Variants in RALGPS1 observed in about 807,000 individuals in gnomAD.
The protein encoded by RALGPS1 is Ral GEF with PH domain and SH3 binding motif 1, also known as ras-specific guanine nucleotide-releasing factor RalGPS1.
RALGPS1 carries 19 observed loss-of-function variants against 78.8 expected under a neutral mutation model. The observed-to-expected ratio is 0.24, with a 90% CI of 0.17 to 0.35. RALGPS1 has a LOEUF of 0.35. Ranked by LOEUF, RALGPS1 falls within the 10% of genes least tolerant of loss-of-function variation. The pLI, the probability that RALGPS1 is intolerant of heterozygous loss-of-function variation, is 1.00. For synonymous variants in RALGPS1, 228 were observed against 256.3 expected, an observed-to-expected ratio of 0.89 and a Z score of 1.06; for missense variants, 454 against 688.3, an observed-to-expected ratio of 0.66 and a Z score of 3.81.
intron 1 of RALGPS1, among the ~76,000 whole-genome samples, chr9:126,959,903 A>G (rs1332868987): frequency 6.6e-6 from 1 of 152,202 alleles, no homozygotes; most frequent in Non-Finnish European, 1.5e-5. Context: ...ATCCATAGTC[A>G]GCTTTCCCCA....
intron 10 of RALGPS1, 23 bp from the exon 11 acceptor site, chr9:127,174,692 C>A: frequency 1.2e-6 from 2 of 1,612,242 alleles, no homozygotes; most frequent in Non-Finnish European, 1.7e-6. Context: ...CCCATCTGAT[C>A]TTATGAAAAT....
At chr9:127,196,691 G>A (rs936060879) in intron 13 of RALGPS1, 60 bp downstream of exon 13, 15 of 1,497,574 alleles carry the variant, frequency 1.0e-5, no homozygotes, top group East Asian at 4.6e-5. Context: ...CGTGTGCTCC[G>A]TGTCTGTCTC....
At position 127,183,828 on chromosome 9, in the gene RALGPS1, C is replaced by G. The variant is rs1374176297; in HGVS notation, c.910+9046C>G. The G allele has an allele frequency of 6.6e-7, 1 of 1,522,162 alleles. No individual in the cohort carries two copies. Among genetic ancestry groups the G allele is most frequent in the South Asian group, 1.2e-5 (1 of 80,984 alleles). 94.3% of individuals were successfully genotyped at this position (1,522,162 alleles called of 1,614,324 possible). A position where few individuals can be genotyped will look rare whatever the true frequency, so the allele number is the denominator to read the frequency against. ...CTCAGGGATAGGAGGCCAGTTGTGG[C>G]CCATTACTCTGGGATTTCACATCTC... On this transcript the variant is annotated intron_variant, in intron 11 of 18. Coordinates refer to ENST00000259351, the MANE Select transcript of RALGPS1 (RefSeq NM_014636.3). The surrounding 1 kb of genome is among the most constrained non-coding windows in gnomAD (Gnocchi z 4.0).
chr9:126,960,219 C>CCCTCCCTCCCTCCCTCCCTT (rs1554765760), intron 1 of RALGPS1, among the ~76,000 whole-genome samples: 1 of 85,754 alleles, frequency 1.2e-5, no homozygotes, highest in African/African-American at 4.3e-5. Flanking sequence ...CTCCCTCCCT[C>CCCTCCCTCCCTCCCTCCCTT]CCTTCCTTCC....
At chr9:127,077,980 G>T (rs2050824813) in intron 8 of RALGPS1, among the ~76,000 whole-genome samples, 1 of 152,040 alleles carries the variant, frequency 6.6e-6, no homozygotes, top group African/African-American at 2.4e-5. Flanking sequence ...TTTCTATTCT[G>T]CCCTGATGGC....
Position 126,984,196 on chromosome 9 carries a change from G to A in RALGPS1, c.216+6451G>A, listed in dbSNP as rs185381713. On this transcript the variant is annotated intron_variant, in intron 4 of 18. Transcript: ENST00000259351. ...CATAGCTCACTGCAGCCTCAAACTTGTGGGCTCAAGCCATCCTCTGCCTCA... is the reference window on the plus strand; with the variant it reads ...CATAGCTCACTGCAGCCTCAAACTTATGGGCTCAAGCCATCCTCTGCCTCA... Among the ~76,000 whole-genome samples, 5 of 152,194 alleles carry A rather than the reference G, an allele frequency of 3.3e-5. No homozygotes were observed. The East Asian group carries it at 9.7e-4, about 29-fold the overall frequency.
intron 8 of RALGPS1, among the ~76,000 whole-genome samples, chr9:127,111,992 A>G (rs1250474202): frequency 6.6e-6 from 1 of 152,150 alleles, no homozygotes; most frequent in Non-Finnish European, 1.5e-5. Flanking sequence ...TCCTCCCTGA[A>G]CCCCTTTGGG....
At chr9:127,038,525 T>C (rs1158403039) in intron 5 of RALGPS1, among the ~76,000 whole-genome samples, 1 of 152,252 alleles carries the variant, frequency 6.6e-6, no homozygotes, top group Non-Finnish European at 1.5e-5. Flanking sequence ...AAACAGTTAC[T>C]CTTTCCTCAT....
chr9:127,201,519 C>T (rs1038158065), intron 14 of RALGPS1, among the ~76,000 whole-genome samples: 1 of 152,248 alleles, frequency 6.6e-6, no homozygotes, highest in African/African-American at 2.4e-5. Flanking sequence ...TCCACACTCG[C>T]AAAAGCAAAG....
At chr9:126,962,198 A>AT in intron 1 of RALGPS1, 27 bp from the exon 2 acceptor site, 1 of 1,347,036 alleles carries the variant, frequency 7.4e-7, no homozygotes, top group Non-Finnish European at 1.0e-6. Flanking sequence ...TTGAAGACTG[A>AT]TTTTTATGAG....
chr9:127,193,468 A>G (rs908374806), intron 11 of RALGPS1, among the ~76,000 whole-genome samples: 26 of 151,888 alleles, frequency 1.7e-4, no homozygotes, highest in Admixed American at 4.6e-4. Flanking sequence ...AGGAGGGGGG[A>G]CAGCAGAGAA....
intron 4 of RALGPS1, 116 bp downstream of exon 4, chr9:126,977,861 A>G: frequency 1.4e-6 from 1 of 699,576 alleles, no homozygotes; most frequent in Non-Finnish European, 2.4e-6. Context: ...AATGCATGTT[A>G]TCCATTTAAA....
intron 14 of RALGPS1, chr9:127,210,620 G>A (rs539238157): frequency 1.1e-5 from 12 of 1,111,982 alleles, no homozygotes; most frequent in African/African-American, 1.6e-5. Flanking sequence ...CTATGTTGTC[G>A]GGGTGCTCTT....
chr9:127,047,198 A>G (rs1003526146), intron 5 of RALGPS1, among the ~76,000 whole-genome samples: 5 of 152,224 alleles, frequency 3.3e-5, no homozygotes, highest in Non-Finnish European at 7.3e-5. Context: ...ATATGTATAA[A>G]GATGTTCATC....
At chr9:126,932,850 G>A (rs571260537) in intron 1 of RALGPS1, among the ~76,000 whole-genome samples, 83 of 152,278 alleles carry the variant, frequency 5.5e-4, no homozygotes, top group Non-Finnish European at 9.6e-4. Flanking sequence ...ACTGTTGGTC[G>A]TGAAGGATCG....
chr9:127,201,438 A>G (rs1588528905), intron 14 of RALGPS1, among the ~76,000 whole-genome samples: 1 of 152,238 alleles, frequency 6.6e-6, no homozygotes, highest in Non-Finnish European at 1.5e-5. Context: ...CCTGATGAGC[A>G]GATGCCAGTT....
In RALGPS1 at chr9:127,161,479, C is replaced by T. The variant is rs117176848; in HGVS notation, c.611-4590C>T. ...CCGAGTCTCCTGGATCCGGGCCCCA[C>T]GTTCTCTCACTTATACCACAGCTGC... is the stretch of plus-strand genomic sequence containing the variant. On this transcript the variant is annotated intron_variant, in intron 8 of 18. Transcript: ENST00000259351. Among the ~76,000 whole-genome samples, 615 of 152,298 alleles carry T rather than the reference C, an allele frequency of 4.0e-3. 8 individuals are homozygous for T. The highest frequency in any genetic ancestry group is 0.028 in the East Asian group (146 of 5,188).
intron 5 of RALGPS1, among the ~76,000 whole-genome samples, chr9:127,049,439 G>A (rs1484459165): frequency 3.9e-5 from 6 of 152,136 alleles, no homozygotes; most frequent in African/African-American, 7.2e-5. Context: ...TGCTGTCTCC[G>A]GGAAAACATG....
At chr9:127,133,437 G>A (rs2057151735) in intron 8 of RALGPS1, among the ~76,000 whole-genome samples, 2 of 152,244 alleles carry the variant, frequency 1.3e-5, no homozygotes, top group South Asian at 4.1e-4. Context: ...GCGAGCTTGA[G>A]AGCATGCCGA....
Sources: allele counts gnomAD v4.1 joint callset (sites outside exome capture counted in the v4.1 genomes callset), GRCh38; gene constraint gnomAD v4.1.1; non-coding constraint Gnocchi (gnomAD v3.1); transcripts MANE v1.5; gene names NCBI Gene and HGNC (gene_info 2026-07-23, HGNC 2026-07-21).